The following STK3 variants were observed in gnomAD, a reference collection of about 807,000 sequenced individuals.
STK3 encodes the protein serine/threonine-protein kinase 3.
Under a neutral mutation model 58.0 loss-of-function variants are expected in STK3, and 41 were observed. The observed-to-expected ratio is 0.71, with a 90% CI of 0.55 to 0.92. STK3 has a LOEUF of 0.92. STK3 is among the 40% of genes least tolerant of loss of function. The pLI, the probability that STK3 is intolerant of heterozygous loss-of-function variation, is 0.00. For synonymous variants in STK3, 170 were observed against 191.0 expected, an observed-to-expected ratio of 0.89 and a Z score of 0.91; for missense variants, 479 against 602.7, an observed-to-expected ratio of 0.79 and a Z score of 2.15.
rs529432914 is a variant in STK3, at chr8:98,473,294, C to T, written c.1318-17294G>A. ...TGCCTCCGATTACAGGCTGGATTGC[C>T]CCAAAGTAGTCTTCTCAGAAACCTA... On this transcript the variant is annotated intron_variant, in intron 10 of 10. Coordinates refer to ENST00000419617, the MANE Select transcript of STK3 (RefSeq NM_006281.4). Among the ~76,000 whole-genome samples, 38 of 151,226 alleles carry T rather than the reference C, an allele frequency of 2.5e-4. 1 individual carries two copies. In the East Asian group the frequency reaches 5.7e-3, roughly 23 times the overall value.
chr8:98,603,783 G>A (rs192765560), intron 6 of STK3, among the ~76,000 whole-genome samples: 116 of 152,022 alleles, frequency 7.6e-4, no homozygotes, highest in African/African-American at 2.8e-3. Context: ...AAGGAAGGAA[G>A]AAGGAAAGGA....
the STK3 span, among the ~76,000 whole-genome samples, chr8:98,362,110 T>C: frequency 6.6e-6 from 1 of 152,104 alleles, no homozygotes; most frequent in African/African-American, 2.4e-5. Flanking sequence ...GGAAGGTCGG[T>C]TAACCAACAA....
At chr8:98,790,739 C>T (rs1247147699) in intron 1 of STK3, among the ~76,000 whole-genome samples, 1 of 152,136 alleles carries the variant, frequency 6.6e-6, no homozygotes, top group African/African-American at 2.4e-5. Context: ...AACCCCAGCA[C>T]TTTGGGAGGC....
chr8:98,767,630 G>A (rs530750700), intron 2 of STK3, among the ~76,000 whole-genome samples: 1 of 152,094 alleles, frequency 6.6e-6, no homozygotes, highest in Non-Finnish European at 1.5e-5. Flanking sequence ...AAACAGACTT[G>A]CGTTTGGTCA....
At chr8:98,505,290 C>G (rs1464315796) in intron 10 of STK3, among the ~76,000 whole-genome samples, 1 of 152,128 alleles carries the variant, frequency 6.6e-6, no homozygotes. Flanking sequence ...AGCCATTAGT[C>G]TAATCTTTTT....
intron 1 of STK3, among the ~76,000 whole-genome samples, chr8:98,817,080 C>T (rs1462972411): frequency 3.9e-5 from 6 of 152,272 alleles, no homozygotes; most frequent in African/African-American, 1.4e-4. Flanking sequence ...GTTACCAGCA[C>T]ACCTGAACAT....
At chr8:98,869,065 A>AGGAAGGAG (rs1287996669) in intron 3 of STK3, among the ~76,000 whole-genome samples, 2 of 143,624 alleles carry the variant, frequency 1.4e-5, no homozygotes, top group African/African-American at 5.1e-5. Flanking sequence ...GAAGGAAGGA[A>AGGAAGGAG]GGAAGGAAGG....
At chr8:98,515,163 C>G (rs1824831104) in intron 10 of STK3, among the ~76,000 whole-genome samples, 1 of 152,074 alleles carries the variant, frequency 6.6e-6, no homozygotes, top group Admixed American at 6.6e-5. Context: ...TCCAGGGTCT[C>G]CAGTTCCTCT....
chr8:98,476,336 T>C (rs2131252595), intron 10 of STK3, among the ~76,000 whole-genome samples: 1 of 152,314 alleles, frequency 6.6e-6, no homozygotes, highest in Middle Eastern at 3.4e-3. Flanking sequence ...CTTGGGTTTT[T>C]ACTGGTTAGG....
chr8:98,495,437 C>T (rs1823057273), intron 10 of STK3, among the ~76,000 whole-genome samples: 1 of 152,022 alleles, frequency 6.6e-6, no homozygotes, highest in African/African-American at 2.4e-5. Flanking sequence ...GAGCTCTGAC[C>T]ATGAAAAATG....
chr8:98,842,685 A>G (rs998643313), intron 3 of STK3, among the ~76,000 whole-genome samples: 1 of 152,048 alleles, frequency 6.6e-6, no homozygotes, highest in Non-Finnish European at 1.5e-5. Flanking sequence ...CTCAAAAACA[A>G]AACAAAACAA....
intron 2 of STK3, among the ~76,000 whole-genome samples, chr8:98,772,371 A>C (rs915120379): frequency 3.3e-5 from 5 of 152,100 alleles, no homozygotes; most frequent in Admixed American, 3.3e-4. Flanking sequence ...GCTGTCCTTG[A>C]GATGGTGAGT....
the STK3 span, among the ~76,000 whole-genome samples, chr8:98,356,535 A>T: frequency 6.6e-6 from 1 of 152,206 alleles, no homozygotes; most frequent in Non-Finnish European, 1.5e-5. Flanking sequence ...CAGGCTGAGG[A>T]GTCTGGAAAG....
At chr8:98,642,134 T>C (rs139767799) in intron 6 of STK3, among the ~76,000 whole-genome samples, 8 of 152,258 alleles carry the variant, frequency 5.3e-5, no homozygotes, top group African/African-American at 1.4e-4. Context: ...AATACACAAA[T>C]GTCACAAGTT....
Position 98,541,017 on chromosome 8 carries a change from G to A in STK3, c.1141+6952C>T, listed in dbSNP as rs182358246. ...TTCAATCTGTATTACTGAACTCAGC[G>A]GCGCCAGCGGTAGCCTCTGGATTGC... On this transcript the variant is annotated intron_variant, in intron 9 of 10. Transcript: ENST00000419617. Among the ~76,000 whole-genome samples, 20 of 152,218 alleles carry A rather than the reference G, an allele frequency of 1.3e-4. No individual in the cohort carries two copies. The East Asian group carries it at 3.3e-3, about 25-fold the overall frequency.
chr8:98,777,897 T>C (rs543990842), intron 1 of STK3, among the ~76,000 whole-genome samples: 6 of 152,320 alleles, frequency 3.9e-5, no homozygotes, highest in African/African-American at 1.4e-4. Flanking sequence ...ATTAAAGATT[T>C]ACATGTTAGA....
chr8:98,740,859 G>A (rs1402046946), intron 4 of STK3, among the ~76,000 whole-genome samples: 2 of 152,092 alleles, frequency 1.3e-5, no homozygotes, highest in Non-Finnish European at 2.9e-5. Flanking sequence ...CATCTCACAA[G>A]CAGAGACACA....
chr8:98,594,565 T>A (rs968007170), intron 7 of STK3, among the ~76,000 whole-genome samples: 7 of 151,974 alleles, frequency 4.6e-5, no homozygotes, highest in African/African-American at 1.7e-4. Context: ...CACTGCACTC[T>A]AGCCTGGGTG....
At chr8:98,391,060 G>A (rs562313767), upstream of STK3, among the ~76,000 whole-genome samples, 3 of 152,272 alleles carry the variant, frequency 2.0e-5, no homozygotes, top group South Asian at 4.2e-4. Flanking sequence ...TTTTTCCCAT[G>A]CAAGTTGAGA....
Sources: gnomAD v4.1 joint callset for allele counts (sites outside exome capture counted in the v4.1 genomes callset) on GRCh38, gnomAD v4.1.1 for gene constraint, MANE v1.5 for transcripts, NCBI Gene and HGNC (gene_info 2026-07-23, HGNC 2026-07-21) for gene names.